NKAIN2: variants seen among roughly 807,000 people sequenced by gnomAD.
The protein encoded by NKAIN2 is sodium/potassium transporting ATPase interacting 2.
A neutral mutation model predicts 32.6 loss-of-function variants in NKAIN2; 14 were observed. The observed-to-expected ratio is 0.43, with a 90% CI of 0.28 to 0.67. The LOEUF is 0.67. Ranked by LOEUF, NKAIN2 falls within the 30% of genes least tolerant of loss-of-function variation. The probability of loss-of-function intolerance (pLI) is 0.17; values close to 1 mark genes in which losing one functional copy is unlikely to be tolerated. For synonymous variants in NKAIN2, 80 were observed against 87.2 expected (o/e 0.92, Z 0.46); for missense variants, 198 against 258.3 (o/e 0.77, Z 1.60).
intron 2 of NKAIN2, among the ~76,000 whole-genome samples, chr6:124,290,691 C>CT (rs58064643): frequency 0.059 from 8,208 of 139,996 alleles, 502 homozygotes; most frequent in African/African-American, 0.15. Flanking sequence ...TTTCTGATTG[C>CT]TTTTTTTTTT....
intron 3 of NKAIN2, among the ~76,000 whole-genome samples, chr6:124,358,805 T>C (rs1425851116): frequency 6.6e-6 from 1 of 151,598 alleles, no homozygotes; most frequent in African/African-American, 2.4e-5. Flanking sequence ...TTTTGGCTTT[T>C]GTTGCCATTG....
chr6:124,823,423 A>G lies in NKAIN2; in HGVS notation c.*194A>G. On this transcript the variant is annotated 3_prime_UTR_variant, in exon 7 of 7. Transcript: ENST00000368417. Reference sequence around the variant, plus strand: ...ACGTGAGCACGCACACACCAATTCCACTTGACCTCCTCTTTCTAACTGAAA... The same window carrying G: ...ACGTGAGCACGCACACACCAATTCCGCTTGACCTCCTCTTTCTAACTGAAA... 1.9e-6 allele frequency: 1 copy of G among 530,630 alleles called. No individual in the cohort carries two copies. Among genetic ancestry groups the G allele is most frequent in the Non-Finnish European group, 3.4e-6 (1 of 296,598 alleles). 32.9% of individuals were successfully genotyped at this position (530,630 alleles called of 1,614,324 possible). A position where few individuals can be genotyped will look rare whatever the true frequency, so the allele number is the denominator to read the frequency against.
intron 1 of NKAIN2, among the ~76,000 whole-genome samples, chr6:123,976,503 C>G (rs1778647130): frequency 6.7e-6 from 1 of 148,812 alleles, no homozygotes; most frequent in Non-Finnish European, 1.5e-5. Context: ...GGCTGGCAGG[C>G]TGGAAACCCC....
At chr6:123,951,657 G>A (rs570046945) in intron 1 of NKAIN2, among the ~76,000 whole-genome samples, 313 of 151,640 alleles carry the variant, frequency 2.1e-3, no homozygotes, top group African/African-American at 7.2e-3. Flanking sequence ...TTTTTAACAG[G>A]TGAGATGAGT....
chr6:124,463,615 C>T (rs1023132541), intron 3 of NKAIN2, among the ~76,000 whole-genome samples: 1 of 152,088 alleles, frequency 6.6e-6, no homozygotes, highest in African/African-American at 2.4e-5. Context: ...TCCCTCCTCC[C>T]TTCCAATTAT....
At chr6:124,453,368 C>CACACAG (rs1562194615) in intron 3 of NKAIN2, among the ~76,000 whole-genome samples, 2 of 147,220 alleles carry the variant, frequency 1.4e-5, no homozygotes, top group African/African-American at 5.0e-5. Flanking sequence ...CACACACACA[C>CACACAG]AGTTCTGAGG....
At chr6:124,356,487 A>G (rs4478425) in intron 3 of NKAIN2, among the ~76,000 whole-genome samples, 109,430 of 152,110 alleles carry the variant, frequency 0.72, 39,604 homozygotes, top group Middle Eastern at 0.78. Context: ...GAGAACCAAA[A>G]CTTCTTGGAT....
intron 1 of NKAIN2, among the ~76,000 whole-genome samples, chr6:123,976,927 G>T (rs985333514): frequency 2.7e-5 from 4 of 146,148 alleles, no homozygotes; most frequent in African/African-American, 1.0e-4. Flanking sequence ...TAATAGTAAT[G>T]TTCACTGTCC....
chr6:124,401,597 C>T (rs918699198), intron 3 of NKAIN2, among the ~76,000 whole-genome samples: 1 of 152,198 alleles, frequency 6.6e-6, no homozygotes, highest in African/African-American at 2.4e-5. Flanking sequence ...TTGGTGTGGT[C>T]AGGCTTTTTC....
At chr6:123,892,941 G>A (rs1020425605) in intron 1 of NKAIN2, among the ~76,000 whole-genome samples, 47 of 151,178 alleles carry the variant, frequency 3.1e-4, no homozygotes, top group Non-Finnish European at 5.5e-4. Flanking sequence ...AAATAAAGTT[G>A]GGCAACAAGC....
At chr6:124,506,257 G>A (rs1318957619) in intron 3 of NKAIN2, among the ~76,000 whole-genome samples, 2 of 152,098 alleles carry the variant, frequency 1.3e-5, no homozygotes. Flanking sequence ...TCTCTGATAT[G>A]GAAGGTGTTG....
intron 4 of NKAIN2, among the ~76,000 whole-genome samples, chr6:124,757,113 T>C (rs1778000326): frequency 6.6e-6 from 1 of 152,202 alleles, no homozygotes; most frequent in African/African-American, 2.4e-5. Context: ...TGTCGCCCTT[T>C]TTATTAGCAA....
chr6:123,938,427 TATATATATATATATATATATATATACAC>T (rs1776638963), intron 1 of NKAIN2, among the ~76,000 whole-genome samples: 1 of 45,284 alleles, frequency 2.2e-5, no homozygotes, highest in African/African-American at 1.2e-4. Context: ...TATATATATA[TATATATATATATATATATATATATACAC>T]ACACACACAC....
chr6:124,364,855 T>C (rs1411523613), intron 3 of NKAIN2, among the ~76,000 whole-genome samples: 2 of 151,898 alleles, frequency 1.3e-5, no homozygotes, highest in Non-Finnish European at 2.9e-5. Context: ...ACAATAGCAA[T>C]AAAATATTTG....
chr6:124,437,870 T>TG (rs745697893), intron 3 of NKAIN2: 20 of 379,084 alleles, frequency 5.3e-5, no homozygotes, highest in East Asian at 1.6e-4. Flanking sequence ...ACTGATCTAT[T>TG]GATTTTTTTT....
intron 1 of NKAIN2, among the ~76,000 whole-genome samples, chr6:124,157,398 G>A (rs1209786340): frequency 6.6e-6 from 1 of 151,936 alleles, no homozygotes; most frequent in Non-Finnish European, 1.5e-5. Flanking sequence ...TATTTTCTGT[G>A]TGTAGTAAAT....
intron 2 of NKAIN2, among the ~76,000 whole-genome samples, chr6:124,345,901 T>C (rs540483394): frequency 5.8e-4 from 88 of 152,290 alleles, no homozygotes; most frequent in Non-Finnish European, 9.6e-4. Context: ...GCTCTTGCTT[T>C]TCTAGTTCTT....
rs1238071416 is a variant in NKAIN2, at chr6:124,825,156, A to C, written c.*1927A>C. The C allele has an allele frequency of 6.6e-6, 1 of 152,614 alleles. No individual in the cohort carries two copies. Among genetic ancestry groups the C allele is most frequent in the Non-Finnish European group, 1.5e-5 (1 of 68,032 alleles). 9.5% of individuals were successfully genotyped at this position (152,614 alleles called of 1,614,324 possible). A position where few individuals can be genotyped will look rare whatever the true frequency, so the allele number is the denominator to read the frequency against. ...ACTATACATGCCAGAAACTATTCTA[A>C]TGTGACTTTTAATGTGACTATTAAA... On this transcript the variant is annotated 3_prime_UTR_variant, in exon 7 of 7. Transcript: ENST00000368417.
chr6:124,396,141 A>G (rs1011368650), intron 3 of NKAIN2, among the ~76,000 whole-genome samples: 9 of 152,138 alleles, frequency 5.9e-5, no homozygotes, highest in Admixed American at 1.3e-4. Context: ...ACTTTATCTT[A>G]TTAAACAGAT....
Sources: gnomAD v4.1 joint callset for allele counts (sites outside exome capture counted in the v4.1 genomes callset) on GRCh38, gnomAD v4.1.1 for gene constraint, MANE v1.5 for transcripts, NCBI Gene and HGNC (gene_info 2026-07-23, HGNC 2026-07-21) for gene names.